Variants in CASP5 observed in about 807,000 individuals in gnomAD.
CASP5 encodes caspase-5.
A neutral mutation model predicts 45.2 loss-of-function variants in CASP5; 42 were observed. The observed-to-expected ratio is 0.93, with a 90% CI of 0.73 to 1.20. The LOEUF (loss-of-function observed/expected upper bound fraction) is 1.20. CASP5 is among the 50% of genes most tolerant of loss of function. The probability of loss-of-function intolerance (pLI) is 0.00; values close to 1 mark genes in which losing one functional copy is unlikely to be tolerated. For missense variants in CASP5, 512 were observed against 532.2 expected (o/e 0.96, Z 0.37); for synonymous variants, 209 against 186.2 (o/e 1.12, Z -1.00).
In CASP5 at chr11:105,022,243, T is replaced by C. The variant is rs149843403; in HGVS notation, c.7+887A>G. On this transcript the variant is annotated intron_variant, in intron 1 of 9. Transcript: ENST00000260315. The stretch of plus-strand genomic sequence containing the variant: ...AGTTAGTGGGTGCAGCCCACCAGCA[T>C]GTCACATGTATACATATGTAACTAA... 7.9e-3 allele frequency among the ~76,000 whole-genome samples: 1,194 copies of C among 151,242 alleles called. 44 individuals carry two copies. The highest frequency in any genetic ancestry group is 0.079 in the East Asian group (398 of 5,070).
At position 105,002,159 on chromosome 11, in the gene CASP5, G is replaced by C. The variant is rs1030219573; in HGVS notation, c.586C>G (p.Leu196Val). The C allele has an allele frequency of 3.7e-6, 6 of 1,613,970 alleles. No homozygotes were observed. The highest frequency in any genetic ancestry group is 1.7e-5 in the Admixed American group (1 of 59,980). Residue 196 changes from leucine (L) to valine (V), a missense_variant, in exon 5 of 10, where the codon CTC becomes GTC. By Grantham distance (32) the Leu-to-Val change is conservative. Transcript: ENST00000260315. ...TCAAACTTTGTATTGCATATGATGA[G>C]AGCCAGGCGTCTGCGGTCCTCTCTC... is the stretch of plus-strand genomic sequence containing the variant. Reference protein sequence around the residue: ...KKREDRRRLALIICNTKFDHL... With the variant: ...KKREDRRRLAVIICNTKFDHL...
chr11:105,002,122 G>C lies in CASP5; in HGVS notation c.623C>G (p.Ala208Gly). 2 of 1,614,052 alleles carry C rather than the reference G, an allele frequency of 1.2e-6. No homozygotes were observed. The highest frequency in any genetic ancestry group is 1.7e-6 in the Non-Finnish European group (2 of 1,179,978). The change falls in exon 5 of 10, where the codon GCA becomes GGA. Residue 208 changes from alanine to glycine, a missense_variant. Physicochemically the swap from Ala to Gly is moderately conservative, Grantham distance 60. Transcript: ENST00000260315. ...ICNTKFDHLP[A>G]RNGAHYDIVG... is the part of the protein sequence containing the mutation. ...GATGTCATAGTGAGCCCCATTCCTTGCAGGCAGGTGATCAAACTTTGTATT... is the reference window on the plus strand; with the variant it reads ...GATGTCATAGTGAGCCCCATTCCTTCCAGGCAGGTGATCAAACTTTGTATT...
chr11:104,998,066 C>T lies in CASP5; in HGVS notation c.1097-574G>A, dbSNP rs146556285. On this transcript the variant is annotated intron_variant, in intron 7 of 9. Coordinates refer to ENST00000260315, the MANE Select transcript of CASP5 (RefSeq NM_004347.5). ...ACTTAAAAATTTGCAGAGAGTAGAT[C>T]TTATGTAAATTATCCTTATCACACC... Among the ~76,000 whole-genome samples the T allele has an allele frequency of 5.9e-5, 9 of 152,088 alleles. No homozygotes were observed. The East Asian group carries it at 1.7e-3, about 29-fold the overall frequency.
chr11:105,003,360 G>A lies in CASP5; in HGVS notation c.457C>T (p.Pro153Ser). 4 of 1,600,158 alleles carry A rather than the reference G, an allele frequency of 2.5e-6. No homozygotes were observed. Among genetic ancestry groups the A allele is most frequent in the Non-Finnish European group, 3.4e-6 (4 of 1,174,252 alleles). ...VKPLLQIEAGPPESAESTNIL... is the reference protein window; with the variant it reads ...VKPLLQIEAGSPESAESTNIL... ...TTTGTAGATTCTGCTGACTCAGGTG[G>A]TCCAGCCTCGATTTGCAGAAGAGCT... is the stretch of plus-strand genomic sequence containing the variant. Residue 153 changes from proline (P) to serine (S), a missense_variant, in exon 4 of 10, where the codon CCA becomes TCA. Transcript: ENST00000260315.
intron 1 of CASP5, among the ~76,000 whole-genome samples, chr11:105,009,704 GATATATATATACACAC>G (rs1862174598): frequency 1.0e-5 from 1 of 98,480 alleles, no homozygotes; most frequent in African/African-American, 3.8e-5. Flanking sequence ...TTTACCAGGA[GATATATATATACACAC>G]ATATATATAT....
intron 1 of CASP5, among the ~76,000 whole-genome samples, chr11:105,017,222 A>G (rs1862665563): frequency 6.6e-6 from 1 of 151,968 alleles, no homozygotes. Context: ...CAGAGCAGAA[A>G]AACTGGAAAC....
rs1861759848 is a variant in CASP5, at chr11:105,002,069, G to C, written c.676C>G (p.Leu226Val). Residue 226 changes from leucine to valine, a missense_variant, in exon 5 of 10, where the codon CTG (leucine) becomes GTG (valine). Physicochemically the swap from Leu to Val is conservative, Grantham distance 32. Transcript: ENST00000260315. Reference sequence around the variant, plus strand: ...TTTTCGTCAACCACAGTGTAGCCCAGGCCTTGAAGCAGCCTTTTCATCCCC... The same window carrying C: ...TTTTCGTCAACCACAGTGTAGCCCACGCCTTGAAGCAGCCTTTTCATCCCC... ...IVGMKRLLQG[L>V]GYTVVDEKNL... is the part of the protein sequence containing the mutation. 1.2e-6 allele frequency: 2 copies of C among 1,614,114 alleles called. No individual in the cohort carries two copies. The highest frequency in any genetic ancestry group is 1.7e-6 in the Non-Finnish European group (2 of 1,180,020).
At chr11:105,006,373 A>T (rs1862000454) in intron 3 of CASP5, among the ~76,000 whole-genome samples, 1 of 152,198 alleles carries the variant, frequency 6.6e-6, no homozygotes, top group Non-Finnish European at 1.5e-5. Flanking sequence ...GCTATGTGCC[A>T]GGATCTCCAT....
In CASP5 at chr11:104,995,608, A is replaced by G. The variant is rs1018755042; in HGVS notation, c.*4+132T>C. 8 of 545,760 alleles carry G rather than the reference A, an allele frequency of 1.5e-5. No homozygotes were observed. In the Admixed American group the frequency reaches 1.6e-4, roughly 11 times the overall value. The allele number at this position is 545,760 out of a possible 1,614,324, so 33.8% of individuals were successfully genotyped here. A position where few individuals can be genotyped will look rare whatever the true frequency, so the allele number is the denominator to read the frequency against. Reference sequence around the variant, plus strand: ...AAGTAGAATAAAAAAGAGCAAATAAATACTCACCAGACTACATCAATAAAG... The same window carrying G: ...AAGTAGAATAAAAAAGAGCAAATAAGTACTCACCAGACTACATCAATAAAG... On this transcript the variant is annotated intron_variant, in intron 9 of 9. Transcript: ENST00000260315.
At position 105,002,096 on chromosome 11, in the gene CASP5, C is replaced by G. The variant is rs3181326; in HGVS notation, c.649G>C (p.Val217Leu). 7.0e-3 allele frequency: 11,357 copies of G among 1,614,090 alleles called. 390 individuals are homozygous for G. The African/African-American group carries it at 0.083, about 12-fold the overall frequency. Residue 217 changes from valine to leucine, a missense_variant, in exon 5 of 10, where the codon GTG becomes CTG. Coordinates refer to ENST00000260315, the MANE Select transcript of CASP5 (RefSeq NM_004347.5). Reference sequence around the variant, plus strand: ...CCTTGAAGCAGCCTTTTCATCCCCACGATGTCATAGTGAGCCCCATTCCTT... The same window carrying G: ...CCTTGAAGCAGCCTTTTCATCCCCAGGATGTCATAGTGAGCCCCATTCCTT... ...PARNGAHYDIVGMKRLLQGLG... is the reference protein window; with the variant it reads ...PARNGAHYDILGMKRLLQGLG...
At chr11:105,001,475 G>C (rs1486160940) in intron 5 of CASP5, among the ~76,000 whole-genome samples, 1 of 152,124 alleles carries the variant, frequency 6.6e-6, no homozygotes, top group Non-Finnish European at 1.5e-5. Flanking sequence ...GACCATCCTG[G>C]CTAACAAGGT....
At position 105,007,201 on chromosome 11, in the gene CASP5, A is replaced by G. The variant is rs202134919; in HGVS notation, c.315T>C (p.Asp105=). The change falls in exon 3 of 10, where the codon GAT becomes GAC. Residue 105 remains aspartate (D), a synonymous_variant. Transcript: ENST00000260315. ...TCAGGGCCTTGTCTTCAATTTTGGT[A>G]TCATAATATTTTTTCTTTTCCTCTT... ...LKEEEKKKYY[D]TKIEDKALIL... 1.3e-4 allele frequency: 216 copies of G among 1,613,812 alleles called. No individual in the cohort carries two copies. The East Asian group carries it at 4.0e-3, about 30-fold the overall frequency.
chr11:104,997,344 C>A (rs377357775), intron 8 of CASP5, 39 bp downstream of exon 8: 68 of 1,357,818 alleles, frequency 5.0e-5, no homozygotes, highest in South Asian at 1.2e-4. Context: ...TCTTTCTGAG[C>A]AAATAAGTAA....
intron 1 of CASP5, among the ~76,000 whole-genome samples, chr11:105,009,758 TACACACACACAC>T (rs1862199818): frequency 2.2e-5 from 2 of 90,250 alleles, no homozygotes; most frequent in African/African-American, 8.7e-5. Flanking sequence ...TATATATATA[TACACACACACAC>T]GTATATATAT....
chr11:105,014,296 A>AT (rs5794369), intron 1 of CASP5, among the ~76,000 whole-genome samples: 37,068 of 147,652 alleles, frequency 0.25, 4,678 homozygotes, highest in Non-Finnish European at 0.28. Flanking sequence ...ACCAGATGGC[A>AT]TTTTTTTTTT....
At chr11:105,002,323 A>G (rs1390584648) in intron 4 of CASP5, 122 bp from the exon 5 acceptor site, 3 of 712,418 alleles carry the variant, frequency 4.2e-6, no homozygotes, top group Non-Finnish European at 7.3e-6. Context: ...CTCTATCAGA[A>G]GACACTGCCT....
At chr11:105,022,832 G>T (rs1052268216) in intron 1 of CASP5, among the ~76,000 whole-genome samples, 6 of 152,052 alleles carry the variant, frequency 3.9e-5, no homozygotes, top group Non-Finnish European at 8.8e-5. Context: ...GAAATTTCCG[G>T]AGTTTTCTCA....
chr11:105,003,452 T>C, intron 3 of CASP5, 69 bp from the exon 4 acceptor site: 1 of 736,268 alleles, frequency 1.4e-6, no homozygotes, highest in East Asian at 2.7e-5. Context: ...CTAAGAACTT[T>C]GAGAGAGAGA....
rs1356355408 is a variant in CASP5 at position 105,003,401 on chromosome 11, A to T, written c.434-18T>A. ...CAGAAGAGCTGTGGGATATCACAAAATATAAATTATGGTTTCTGCCTCTGT... is the reference window on the plus strand; with the variant it reads ...CAGAAGAGCTGTGGGATATCACAAATTATAAATTATGGTTTCTGCCTCTGT... On this transcript the variant is annotated intron_variant, in intron 3 of 9. Coordinates refer to ENST00000260315, the MANE Select transcript of CASP5 (RefSeq NM_004347.5). The T allele has an allele frequency of 4.3e-6, 6 of 1,409,448 alleles. No individual in the cohort carries two copies. Among genetic ancestry groups the T allele is most frequent in the Non-Finnish European group, 5.9e-6 (6 of 1,015,710 alleles). The allele number at this position is 1,409,448 out of a possible 1,614,324, so 87.3% of individuals were successfully genotyped here.
Sources: allele counts gnomAD v4.1 joint callset (sites outside exome capture counted in the v4.1 genomes callset), GRCh38; gene constraint gnomAD v4.1.1; transcripts MANE v1.5; gene names NCBI Gene and HGNC (gene_info 2026-07-23, HGNC 2026-07-21).